Variants in FRMD5 observed in about 807,000 individuals in gnomAD.
FRMD5 encodes the protein FERM domain containing 5.
FRMD5 carries 20 observed loss-of-function variants against 69.0 expected under a neutral mutation model. That is an observed-to-expected ratio of 0.29 (90% confidence interval 0.20 to 0.42). The LOEUF (loss-of-function observed/expected upper bound fraction) is 0.42, where lower values mean the gene tolerates loss of function less well. Ranked by LOEUF, FRMD5 falls within the 10% of genes least tolerant of loss-of-function variation. The probability of loss-of-function intolerance (pLI) is 1.00; values close to 1 mark genes in which losing one functional copy is unlikely to be tolerated. For missense variants in FRMD5, 595 were observed against 708.6 expected, an observed-to-expected ratio of 0.84 and a Z score of 1.82; for synonymous variants, 271 against 260.1, an observed-to-expected ratio of 1.04 and a Z score of -0.40.
chr15:43,890,953 C>T (rs76266239), intron 8 of FRMD5, among the ~76,000 whole-genome samples: 2,064 of 152,250 alleles, frequency 0.014, 61 homozygotes, highest in African/African-American at 0.048. Flanking sequence ...CCCAGCAGAA[C>T]GCTGACTAGG....
chr15:43,953,012 A>T (rs2090060860), intron 1 of FRMD5, among the ~76,000 whole-genome samples: 1 of 152,230 alleles, frequency 6.6e-6, no homozygotes, highest in Non-Finnish European at 1.5e-5. Context: ...CAGGGGCTAG[A>T]CCTCGAGCAG....
rs143853451 is a variant in FRMD5, at chr15:44,096,169, G to T, written c.102+98784C>A. On this transcript the variant is annotated intron_variant, in intron 1 of 13. Coordinates refer to ENST00000417257, the MANE Select transcript of FRMD5 (RefSeq NM_032892.5). ...TGTGGTGAGCCAATATCACGCCATT[G>T]CACTCCAGCCTAAGCAACATGAGAG... 2.7e-3 allele frequency among the ~76,000 whole-genome samples: 338 copies of T among 126,720 alleles called. 4 individuals are homozygous for T. Among genetic ancestry groups the T allele is most frequent in the African/African-American group, 9.9e-3 (319 of 32,212 alleles). The allele number at this position is 126,720 out of a possible 152,430, so 83.1% of individuals were successfully genotyped here.
At chr15:43,945,113 G>C (rs181465254) in intron 1 of FRMD5, among the ~76,000 whole-genome samples, 6 of 152,190 alleles carry the variant, frequency 3.9e-5, no homozygotes. Context: ...TATGACACCA[G>C]ATAGGACATC....
At chr15:44,000,338 T>C (rs953533990) in intron 1 of FRMD5, among the ~76,000 whole-genome samples, 8 of 152,076 alleles carry the variant, frequency 5.3e-5, no homozygotes, top group Non-Finnish European at 7.4e-5. Context: ...TAAAAGATTG[T>C]TTCCATTTCT....
intron 1 of FRMD5, among the ~76,000 whole-genome samples, chr15:44,039,765 TCTC>T (rs1377447808): frequency 6.6e-6 from 1 of 151,992 alleles, no homozygotes; most frequent in East Asian, 2.0e-4. Flanking sequence ...GAATGTCTCT[TCTC>T]CTCCAGAGGA....
intron 1 of FRMD5, among the ~76,000 whole-genome samples, chr15:43,938,219 G>A (rs1162162780): frequency 6.0e-5 from 8 of 132,246 alleles, no homozygotes; most frequent in African/African-American, 2.3e-4. Flanking sequence ...GCGAAAGAGC[G>A]AGACTCCGTC....
At chr15:43,947,305 A>C (rs1035265453) in intron 1 of FRMD5, among the ~76,000 whole-genome samples, 10 of 152,210 alleles carry the variant, frequency 6.6e-5, no homozygotes, top group African/African-American at 2.4e-4. Flanking sequence ...TAGATTACAA[A>C]AAGCTGTGCA....
chr15:44,097,216 A>T (rs942402107), intron 1 of FRMD5, among the ~76,000 whole-genome samples: 2 of 152,258 alleles, frequency 1.3e-5, no homozygotes, highest in African/African-American at 4.8e-5. Flanking sequence ...CTGATGGTTA[A>T]ATCCACTTTG....
intron 1 of FRMD5, among the ~76,000 whole-genome samples, chr15:44,046,115 C>G (rs980196123): frequency 3.3e-5 from 5 of 152,124 alleles, no homozygotes; most frequent in African/African-American, 1.2e-4. Flanking sequence ...AGAGTACATA[C>G]TCAGCAAATA....
chr15:44,030,942 G>A (rs113490795), intron 1 of FRMD5, among the ~76,000 whole-genome samples: 23 of 149,062 alleles, frequency 1.5e-4, no homozygotes, highest in Non-Finnish European at 2.5e-4. Context: ...AGAATTTGCC[G>A]AAGCAGGTTT....
At position 44,195,147 on chromosome 15, in the gene FRMD5, A is replaced by ACCTGCACCATCACCCCGGCC; in HGVS notation, c.-113_-94dup. ...CGGCAGCTCCGCACCGACCCCAGGC[A>ACCTGCACCATCACCCCGGCC]CCTGCACCATCACCCCGGCCCCGTC... On this transcript the variant is annotated 5_prime_UTR_variant, in exon 1 of 14. In the 5' UTR this introduces an upstream ATG that the reference lacks. Transcript: ENST00000417257. The ACCTGCACCATCACCCCGGCC allele has an allele frequency of 1.1e-6, 1 of 920,686 alleles. No individual in the cohort carries two copies. The highest frequency in any genetic ancestry group is 3.1e-5 in the Admixed American group (1 of 32,652). The allele number at this position is 920,686 out of a possible 1,614,324, so 57.0% of individuals were successfully genotyped here.
intron 1 of FRMD5, among the ~76,000 whole-genome samples, chr15:44,100,858 A>G (rs1193084078): frequency 6.6e-6 from 1 of 152,190 alleles, no homozygotes; most frequent in Non-Finnish European, 1.5e-5. Context: ...CTAGAAATAA[A>G]CTAGTCTTGG....
At chr15:43,996,542 AT>A (rs1889932415) in intron 1 of FRMD5, among the ~76,000 whole-genome samples, 1 of 152,032 alleles carries the variant, frequency 6.6e-6, no homozygotes, top group Non-Finnish European at 1.5e-5. Context: ...TTGTGAAGGT[AT>A]TTTCATGCAT....
At chr15:44,104,497 T>G (rs1379313970) in intron 1 of FRMD5, among the ~76,000 whole-genome samples, 1 of 152,250 alleles carries the variant, frequency 6.6e-6, no homozygotes, top group Non-Finnish European at 1.5e-5. Context: ...CTTCTAGTCC[T>G]GCAAGCTCTA....
chr15:44,128,109 GA>G (rs760921093), intron 1 of FRMD5, among the ~76,000 whole-genome samples: 5 of 152,052 alleles, frequency 3.3e-5, no homozygotes, highest in African/African-American at 1.2e-4. Flanking sequence ...AAGCTTCTGA[GA>G]AAAAAAGCAA....
intron 1 of FRMD5, among the ~76,000 whole-genome samples, chr15:44,048,285 G>A (rs552099370): frequency 1.6e-3 from 242 of 152,154 alleles, no homozygotes; most frequent in African/African-American, 5.6e-3. Flanking sequence ...TCTCACTGTC[G>A]TTTTGATTTT....
At chr15:43,974,618 T>C (rs2090436631) in intron 1 of FRMD5, among the ~76,000 whole-genome samples, 1 of 152,174 alleles carries the variant, frequency 6.6e-6, no homozygotes. Context: ...TGATTCTGGT[T>C]CCTGACACAG....
chr15:44,132,809 G>T (rs866149947), intron 1 of FRMD5, among the ~76,000 whole-genome samples: 1 of 151,502 alleles, frequency 6.6e-6, no homozygotes, highest in Non-Finnish European at 1.5e-5. Flanking sequence ...CCAGGCTGGA[G>T]TACAGTGACA....
chr15:43,944,807 C>T (rs1179249097), intron 1 of FRMD5, among the ~76,000 whole-genome samples: 1 of 152,134 alleles, frequency 6.6e-6, no homozygotes, highest in Non-Finnish European at 1.5e-5. Context: ...GATATTTGGG[C>T]AGGATTTATG....
Sources: allele counts gnomAD v4.1 joint callset (sites outside exome capture counted in the v4.1 genomes callset), GRCh38; gene constraint gnomAD v4.1.1; transcripts MANE v1.5; gene names NCBI Gene and HGNC (gene_info 2026-07-23, HGNC 2026-07-21).